The following AMD1 variants were observed in gnomAD, a reference collection of about 807,000 sequenced individuals.
AMD1 encodes the protein adenosylmethionine decarboxylase 1.
Under a neutral mutation model 40.2 loss-of-function variants are expected in AMD1, and 11 were observed. That is an observed-to-expected ratio of 0.27 (90% CI 0.17 to 0.45). The LOEUF (loss-of-function observed/expected upper bound fraction) is 0.45. Ranked by LOEUF, AMD1 falls within the 20% of genes least tolerant of loss-of-function variation. The probability of loss-of-function intolerance (pLI) is 1.00; values close to 1 mark genes in which losing one functional copy is unlikely to be tolerated. For synonymous variants in AMD1, 121 were observed against 130.8 expected (o/e 0.93, Z 0.51); for missense variants, 257 against 410.2 (o/e 0.63, Z 3.23).
chr6:110,895,561 A>G lies in AMD1; in HGVS notation c.*1945A>G, dbSNP rs1786256101. On this transcript the variant is annotated 3_prime_UTR_variant, in exon 9 of 9. Coordinates refer to ENST00000368885, the MANE Select transcript of AMD1 (RefSeq NM_001634.6). ...CCTAGAAAAGAGAAATGTAGTTTGA[A>G]TCATAATCTAAATCATCGTATGATA... 1.3e-5 allele frequency: 2 copies of G among 152,648 alleles called. No homozygotes were observed. The highest frequency in any genetic ancestry group is 4.1e-4 in the South Asian group (2 of 4,834). 9.5% of individuals were successfully genotyped at this position (152,648 alleles called of 1,614,324 possible). A position where few individuals can be genotyped will look rare whatever the true frequency, so the allele number is the denominator to read the frequency against.
chr6:110,887,344 A>G (rs1785754381), intron 1 of AMD1, among the ~76,000 whole-genome samples, 161 bp from the exon 2 acceptor site: 1 of 152,158 alleles, frequency 6.6e-6, no homozygotes, highest in Admixed American at 6.5e-5. Flanking sequence ...CCTATCATTT[A>G]TCTGGGTGTG....
the AMD1 span, among the ~76,000 whole-genome samples, chr6:110,851,726 T>C: frequency 1.3e-5 from 2 of 152,190 alleles, no homozygotes; most frequent in South Asian, 2.1e-4. Context: ...CCTCCCAAAA[T>C]GCTGGGATTA....
At chr6:110,877,162 G>T (rs1008114882) in intron 1 of AMD1, among the ~76,000 whole-genome samples, 2 of 152,212 alleles carry the variant, frequency 1.3e-5, no homozygotes, top group Non-Finnish European at 2.9e-5. Flanking sequence ...ATATTCCCTT[G>T]TGTAGATGAT....
intron 2 of AMD1, 47 bp from the exon 3 acceptor site, chr6:110,888,810 G>C: frequency 6.4e-7 from 1 of 1,574,220 alleles, no homozygotes; most frequent in Non-Finnish European, 8.7e-7. Context: ...TGCACCCTCA[G>C]TAGTACATTA....
At chr6:110,861,636 G>A in the AMD1 span, among the ~76,000 whole-genome samples, 1 of 152,030 alleles carries the variant, frequency 6.6e-6, no homozygotes, top group Non-Finnish European at 1.5e-5. Context: ...GAGGTGAGGA[G>A]CTCGAGACCA....
chr6:110,829,980 T>A, the AMD1 span, among the ~76,000 whole-genome samples: 133 of 152,168 alleles, frequency 8.7e-4, 1 homozygote, highest in Non-Finnish European at 4.7e-4. Flanking sequence ...ATTTTTCCCA[T>A]AGAAATGTTA....
At chr6:110,857,542 TTA>T in the AMD1 span, among the ~76,000 whole-genome samples, 3 of 114,958 alleles carry the variant, frequency 2.6e-5, no homozygotes, top group African/African-American at 6.2e-5. Context: ...AAAAAAAAAG[TTA>T]TATATATATA....
chr6:110,814,792 C>A, the AMD1 span: 7 of 682,476 alleles, frequency 1.0e-5, no homozygotes, highest in Middle Eastern at 4.8e-4. Flanking sequence ...CGCCTCGGAC[C>A]GGGCTGCGCC....
chr6:110,822,706 A>G, the AMD1 span, among the ~76,000 whole-genome samples: 1 of 152,216 alleles, frequency 6.6e-6, no homozygotes, highest in Non-Finnish European at 1.5e-5. Context: ...AACTAAATCT[A>G]ATAGCACATC....
chr6:110,885,155 C>T (rs1030184520), intron 1 of AMD1, among the ~76,000 whole-genome samples: 1 of 151,974 alleles, frequency 6.6e-6, no homozygotes, highest in Non-Finnish European at 1.5e-5. Context: ...TCACTTTTGT[C>T]GCCCAGGCTG....
chr6:110,875,451 G>A (rs1300849167), intron 1 of AMD1: 1 of 463,446 alleles, frequency 2.2e-6, no homozygotes, highest in Non-Finnish European at 3.8e-6. Context: ...CCCTGGGGGA[G>A]GGGAGGAGGC....
the AMD1 span, chr6:110,815,017 C>T: frequency 1.9e-6 from 3 of 1,604,256 alleles, no homozygotes; most frequent in African/African-American, 2.7e-5. Context: ...ACCCATCTTT[C>T]CGCCTCGCCT....
At chr6:110,889,115 A>G in intron 3 of AMD1, 132 bp downstream of exon 3, 2 of 1,034,322 alleles carry the variant, frequency 1.9e-6, no homozygotes, top group Non-Finnish European at 2.7e-6. Context: ...TAAGGTGTTC[A>G]TACCTTAGGA....
At chr6:110,887,469 T>C (rs745786258) in intron 1 of AMD1, 36 bp from the exon 2 acceptor site, 57 of 1,498,752 alleles carry the variant, frequency 3.8e-5, no homozygotes, top group Non-Finnish European at 5.0e-5. Context: ...GTGGGTACTA[T>C]TGTGGATTAA....
chr6:110,814,658 C>A, the AMD1 span: 1 of 504,050 alleles, frequency 2.0e-6, no homozygotes, highest in East Asian at 5.5e-5. Context: ...CAGCGGAGCT[C>A]TGCCTGCCCG....
chr6:110,847,819 C>G, the AMD1 span, among the ~76,000 whole-genome samples: 1 of 151,370 alleles, frequency 6.6e-6, no homozygotes, highest in Non-Finnish European at 1.5e-5. Context: ...TCGAGCAATT[C>G]TCCTGCCTTA....
the AMD1 span, among the ~76,000 whole-genome samples, chr6:110,841,035 CAG>C: frequency 1.5e-4 from 23 of 152,260 alleles, no homozygotes; most frequent in African/African-American, 5.5e-4. Context: ...TTTTTTGAGA[CAG>C]AGTTTCACTC....
rs777828939 is a variant in AMD1 at position 110,892,957 on chromosome 6, T to C, written c.756T>C (p.Tyr252=). The C allele has an allele frequency of 4.5e-5, 72 of 1,613,938 alleles. No homozygotes were observed. Among genetic ancestry groups the C allele is most frequent in the African/African-American group, 8.0e-5 (6 of 74,934 alleles). Residue 252 remains tyrosine (Y), a synonymous_variant, in exon 8 of 9, where the codon TAT becomes TAC. Transcript: ENST00000368885. ...TCACTCCAGAACCAGAATTTTCTTATGTTAGCTTTGAAACAAACTTAAGTC... is the reference window on the plus strand; with the variant it reads ...TCACTCCAGAACCAGAATTTTCTTACGTTAGCTTTGAAACAAACTTAAGTC... The part of the protein sequence containing the change: ...IHITPEPEFS[Y]VSFETNLSQT...
the AMD1 span, among the ~76,000 whole-genome samples, chr6:110,857,197 T>A: frequency 1.3e-5 from 2 of 151,370 alleles, no homozygotes; most frequent in Non-Finnish European, 2.9e-5. Flanking sequence ...CTAAAACCTA[T>A]GTCCAGATAA....
Sources: allele counts gnomAD v4.1 joint callset (sites outside exome capture counted in the v4.1 genomes callset), GRCh38; gene constraint gnomAD v4.1.1; transcripts MANE v1.5; gene names NCBI Gene and HGNC (gene_info 2026-07-23, HGNC 2026-07-21).